The following RIN2 variants were observed in gnomAD, a reference collection of about 807,000 sequenced individuals.
RIN2 encodes RAB5 interacting protein 2.
RIN2 carries 36 observed loss-of-function variants against 78.0 expected under a neutral mutation model. The observed-to-expected ratio is 0.46, with a 90% CI of 0.35 to 0.61. RIN2 has a LOEUF of 0.61. Among genes scored for constraint, RIN2 ranks in the 20% least tolerant of loss-of-function variants. The probability of loss-of-function intolerance (pLI) is 0.00; values close to 1 mark genes in which losing one functional copy is unlikely to be tolerated. For synonymous variants in RIN2, 466 were observed against 466.8 expected (o/e 1.00, Z 0.02); for missense variants, 1,087 against 1,159.7 (o/e 0.94, Z 0.91).
At chr20:19,795,725 A>C (rs144080518) in intron 1 of RIN2, among the ~76,000 whole-genome samples, 1 of 152,224 alleles carries the variant, frequency 6.6e-6, no homozygotes, top group Non-Finnish European at 1.5e-5. Flanking sequence ...AATTGGAAAT[A>C]TGTCCTAGAA....
intron 2 of RIN2, among the ~76,000 whole-genome samples, chr20:19,811,847 T>TA (rs58693993): frequency 0.097 from 14,139 of 145,390 alleles, 667 homozygotes; most frequent in South Asian, 0.12. Context: ...GCTCCCATTT[T>TA]AAAAAAAAAA....
intron 3 of RIN2, among the ~76,000 whole-genome samples, chr20:19,896,578 T>C (rs993319364): frequency 1.3e-5 from 2 of 152,200 alleles, no homozygotes; most frequent in African/African-American, 4.8e-5. Context: ...ATCCCCACAA[T>C]GTATCAGCCC....
intron 1 of RIN2, among the ~76,000 whole-genome samples, chr20:19,784,678 C>T (rs541877278): frequency 6.6e-6 from 1 of 152,252 alleles, no homozygotes; most frequent in South Asian, 2.1e-4. Flanking sequence ...GAGAAGTATC[C>T]AGGTCCAGCC....
intron 3 of RIN2, among the ~76,000 whole-genome samples, chr20:19,923,320 G>A (rs2040003640): frequency 6.6e-6 from 1 of 152,032 alleles, no homozygotes; most frequent in Non-Finnish European, 1.5e-5. Flanking sequence ...GGAGACTGAG[G>A]CAGGAGAATC....
At chr20:19,846,838 T>C (rs2036799889) in intron 2 of RIN2, among the ~76,000 whole-genome samples, 1 of 152,212 alleles carries the variant, frequency 6.6e-6, no homozygotes, top group African/African-American at 2.4e-5. Context: ...CCATTCAGTA[T>C]GATATTGGCT....
chr20:19,824,811 C>T (rs2036036073), intron 2 of RIN2, among the ~76,000 whole-genome samples: 1 of 152,160 alleles, frequency 6.6e-6, no homozygotes, highest in African/African-American at 2.4e-5. Context: ...TTAGGTCCCG[C>T]CGATGATCAT....
intron 3 of RIN2, among the ~76,000 whole-genome samples, chr20:19,897,477 G>C (rs2038784685): frequency 6.6e-6 from 1 of 152,096 alleles, no homozygotes; most frequent in Admixed American, 6.6e-5. Flanking sequence ...GACAGCAAAG[G>C]TTTAGCTGGT....
At chr20:19,919,755 G>A (rs964023459) in intron 3 of RIN2, among the ~76,000 whole-genome samples, 5 of 152,024 alleles carry the variant, frequency 3.3e-5, no homozygotes, top group Admixed American at 1.3e-4. Flanking sequence ...GCAGTGAGCC[G>A]AGATCATGCC....
chr20:19,798,829 A>G (rs1283370136), intron 1 of RIN2, among the ~76,000 whole-genome samples: 2 of 152,202 alleles, frequency 1.3e-5, no homozygotes, highest in Non-Finnish European at 2.9e-5. Flanking sequence ...GCATTCATGC[A>G]TGTACTTAGG....
intron 5 of RIN2, among the ~76,000 whole-genome samples, chr20:19,958,895 G>A (rs1487894020): frequency 6.6e-6 from 1 of 152,076 alleles, no homozygotes; most frequent in African/African-American, 2.4e-5. Context: ...ATAAAATAAA[G>A]AAGAGAGAGA....
intron 10 of RIN2, 86 bp from the exon 11 acceptor site, chr20:19,992,082 T>G (rs1044835778): frequency 1.3e-6 from 2 of 1,495,722 alleles, no homozygotes; most frequent in African/African-American, 1.4e-5. Flanking sequence ...GAGTGACTCC[T>G]TGCTGTCTAA....
intron 9 of RIN2, among the ~76,000 whole-genome samples, chr20:19,989,188 T>C (rs1034079836): frequency 6.6e-6 from 1 of 152,174 alleles, no homozygotes; most frequent in East Asian, 1.9e-4. Flanking sequence ...ATGTCCTTTA[T>C]AGCAAATGAA....
In RIN2 at chr20:19,889,500, G is replaced by A; in HGVS notation, c.-36-66G>A. The A allele has an allele frequency of 2.8e-6, 4 of 1,433,532 alleles. No homozygotes were observed. In the South Asian group the frequency reaches 5.0e-5, roughly 18 times the overall value. 88.8% of individuals were successfully genotyped at this position (1,433,532 alleles called of 1,614,324 possible). On this transcript the variant is annotated intron_variant, in intron 2 of 12. Coordinates refer to ENST00000255006, the MANE Select transcript of RIN2 (RefSeq NM_018993.4). ...TCTTGGCAGGACTGTTGTTGTGAGTGTTCTGTGGCTTAGAAAGGAATTTCC... is the reference window on the plus strand; with the variant it reads ...TCTTGGCAGGACTGTTGTTGTGAGTATTCTGTGGCTTAGAAAGGAATTTCC...
intron 2 of RIN2, among the ~76,000 whole-genome samples, chr20:19,812,512 T>C (rs943346104): frequency 3.7e-4 from 56 of 152,390 alleles, no homozygotes; most frequent in Non-Finnish European, 6.9e-4. Flanking sequence ...CATAGCTTCT[T>C]TGATAAAATG....
rs1457480420 is a variant in RIN2 at position 19,956,543 on chromosome 20, T to C, written c.159-72T>C. The C allele has an allele frequency of 2.8e-6, 4 of 1,452,846 alleles. No homozygotes were observed. The African/African-American group carries it at 5.6e-5, about 20-fold the overall frequency. The allele number at this position is 1,452,846 out of a possible 1,614,324, so 90.0% of individuals were successfully genotyped here. The stretch of plus-strand genomic sequence containing the variant: ...GCGGTGGCAAGCCTGGCCTATGAAC[T>C]TGTAGGGACGGTCTCCTTGTTAGGG... On this transcript the variant is annotated intron_variant, in intron 4 of 12. Transcript: ENST00000255006.
chr20:19,832,079 T>C (rs1432378352), intron 2 of RIN2, among the ~76,000 whole-genome samples: 1 of 151,920 alleles, frequency 6.6e-6, no homozygotes, highest in Non-Finnish European at 1.5e-5. Context: ...TGTGTGGTGG[T>C]GAGAATGTAT....
At chr20:19,846,172 G>A (rs1007525223) in intron 2 of RIN2, among the ~76,000 whole-genome samples, 1 of 152,154 alleles carries the variant, frequency 6.6e-6, no homozygotes, top group African/African-American at 2.4e-5. Flanking sequence ...GATGCCTCCA[G>A]CTTTGTTCTT....
chr20:19,955,074 A>T (rs1357508016), intron 4 of RIN2, among the ~76,000 whole-genome samples: 1 of 152,174 alleles, frequency 6.6e-6, no homozygotes, highest in Non-Finnish European at 1.5e-5. Flanking sequence ...TCACCCTGGA[A>T]AGAAACCTGG....
chr20:19,986,719 C>T (rs2042634126), intron 9 of RIN2, among the ~76,000 whole-genome samples: 1 of 152,212 alleles, frequency 6.6e-6, no homozygotes, highest in South Asian at 2.1e-4. Context: ...ACCGGGCTCA[C>T]TCTGATGATA....
Sources: allele counts gnomAD v4.1 joint callset (sites outside exome capture counted in the v4.1 genomes callset), GRCh38; gene constraint gnomAD v4.1.1; transcripts MANE v1.5; gene names NCBI Gene and HGNC (gene_info 2026-07-23, HGNC 2026-07-21).